ANXA1: variants seen among roughly 807,000 people sequenced by gnomAD.
ANXA1 encodes the protein annexin A1.
In ANXA1, 39 loss-of-function variants were observed where a neutral mutation model predicts 47.9. The observed-to-expected ratio is 0.81, with a 90% confidence interval of 0.63 to 1.06. The LOEUF (loss-of-function observed/expected upper bound fraction) is 1.06. Among genes scored for constraint, ANXA1 ranks in the 50% least tolerant of loss-of-function variants. The pLI, the probability that ANXA1 is intolerant of heterozygous loss-of-function variation, is 0.00. For synonymous variants in ANXA1, 146 were observed against 142.5 expected (o/e 1.02, Z -0.17); for missense variants, 446 against 422.7 (o/e 1.06, Z -0.48).
intron 1 of ANXA1, chr9:73,154,450 C>T (rs984888194): frequency 4.1e-5 from 42 of 1,036,344 alleles, no homozygotes; most frequent in Non-Finnish European, 5.4e-5. Context: ...TTCTTTCTTT[C>T]TTCCCGACAG....
chr9:73,168,701 G>A (rs1824273400), intron 11 of ANXA1: 1 of 165,484 alleles, frequency 6.0e-6, no homozygotes, highest in Non-Finnish European at 1.3e-5. Context: ...ATCACTGACA[G>A]TGTTTTAAAT....
At chr9:73,153,017 G>T (rs1446120915) in intron 1 of ANXA1, among the ~76,000 whole-genome samples, 3 of 152,106 alleles carry the variant, frequency 2.0e-5, no homozygotes, top group Non-Finnish European at 4.4e-5. Flanking sequence ...GGAGTATTTT[G>T]GTAGCTGTAA....
At chr9:73,168,942 G>T in intron 11 of ANXA1, 90 bp from the exon 12 acceptor site, 42 of 1,093,946 alleles carry the variant, frequency 3.8e-5, no homozygotes, top group Non-Finnish European at 4.1e-5. Flanking sequence ...AAATTATATG[G>T]AAGAGTAAGA....
chr9:73,163,054 T>A (rs1454608074), intron 7 of ANXA1, among the ~76,000 whole-genome samples, 193 bp downstream of exon 7: 1 of 152,152 alleles, frequency 6.6e-6, no homozygotes, highest in Non-Finnish European at 1.5e-5. Flanking sequence ...TCAGGCTGCT[T>A]CCACTCCTGA....
rs1483939828 is a variant in ANXA1, at chr9:73,161,596, A to G, written c.475+703A>G. Among the ~76,000 whole-genome samples, 9 of 152,250 alleles carry G rather than the reference A, an allele frequency of 5.9e-5. No individual in the cohort carries two copies. In the South Asian group the frequency reaches 1.7e-3, roughly 28 times the overall value. ...TTTCCCAATGCAATATATGGCATAT[A>G]GAAGATCTTTCTGCTTGATTCTCAT... On this transcript the variant is annotated intron_variant, in intron 6 of 12. Coordinates refer to ENST00000257497, the MANE Select transcript of ANXA1 (RefSeq NM_000700.3).
chr9:73,169,997 AT>A, intron 12 of ANXA1, 53 bp from the exon 13 acceptor site: 1 of 1,353,510 alleles, frequency 7.4e-7, no homozygotes, highest in Non-Finnish European at 1.0e-6. Context: ...GTAAAAAAAA[AT>A]AGAGAATTAT....
At chr9:73,154,316 G>A in intron 1 of ANXA1, 1 of 1,366,214 alleles carries the variant, frequency 7.3e-7, no homozygotes, top group Non-Finnish European at 9.8e-7. Context: ...TGCGCAAGTT[G>A]ACTGTTAATG....
At chr9:73,167,694 G>A (rs1040755709) in intron 11 of ANXA1, 139 bp downstream of exon 11, 1 of 765,102 alleles carries the variant, frequency 1.3e-6, no homozygotes, top group African/African-American at 1.8e-5. Flanking sequence ...GATGAAAGAG[G>A]TAATACACTA....
intron 10 of ANXA1, among the ~76,000 whole-genome samples, chr9:73,167,066 T>G (rs762524295): frequency 3.3e-5 from 5 of 152,144 alleles, no homozygotes; most frequent in Non-Finnish European, 7.4e-5. Context: ...AATAAGTAGT[T>G]TTTTGACCAA....
chr9:73,159,383 G>A lies in ANXA1; in HGVS notation c.230G>A (p.Arg77His), dbSNP rs144842081. The A allele has an allele frequency of 1.7e-5, 28 of 1,613,148 alleles. No homozygotes were observed. Among genetic ancestry groups the A allele is most frequent in the East Asian group, 8.9e-5 (4 of 44,820 alleles). ...CTAACTAAGCGAAACAATGCACAGC[G>A]TCAACAGATCAAAGCAGCATATCTC... ...DILTKRNNAQ[R>H]QQIKAAYLQE... Residue 77 changes from arginine (R) to histidine (H), a missense_variant, in exon 4 of 13, where the codon CGT (arginine) becomes CAT (histidine). By Grantham distance (29) the Arg-to-His change is conservative (BLOSUM62 0). Transcript: ENST00000257497.
At chr9:73,162,504 A>G (rs957513043) in intron 6 of ANXA1, among the ~76,000 whole-genome samples, 6 of 152,182 alleles carry the variant, frequency 3.9e-5, no homozygotes, top group African/African-American at 1.4e-4. Flanking sequence ...GTATACCTAT[A>G]CAATTTATTC....
intron 1 of ANXA1, among the ~76,000 whole-genome samples, chr9:73,152,610 GAAAACCTAAAAAGAAGGGAAAT>G (rs1823989399): frequency 6.6e-6 from 1 of 152,100 alleles, no homozygotes. Context: ...GTGCTGGCTG[GAAAACCTAAAAAGAAGGGAAAT>G]ACTTTCTGGG....
chr9:73,164,977 C>T (rs904129720), intron 8 of ANXA1, 139 bp from the exon 9 acceptor site: 5 of 598,550 alleles, frequency 8.4e-6, no homozygotes, highest in East Asian at 6.0e-5. Context: ...CTTTAAAGAA[C>T]TTGCAATCTT....
Position 73,158,804 on chromosome 9 carries a change from G to A in ANXA1, c.175+1G>A. 1 of 1,612,552 alleles carries A rather than the reference G, an allele frequency of 6.2e-7. No individual in the cohort carries two copies. Among genetic ancestry groups the A allele is most frequent in the Non-Finnish European group, 8.5e-7 (1 of 1,178,808 alleles). ...TTGCATAAGGCCATAATGGTTAAAG[G>A]TAACGTGTTTCCTCAAAACAGTTCC... On this transcript the variant is annotated splice_donor_variant, in intron 3 of 12. Transcript: ENST00000257497. LOFTEE classifies it high-confidence loss of function.
In ANXA1 at chr9:73,159,663, A is replaced by G. The variant is rs1824106535; in HGVS notation, c.270+240A>G. On this transcript the variant is annotated intron_variant, in intron 4 of 12. Transcript: ENST00000257497. ...TTGCAGATGTGGTGCTCTGGGGACA[A>G]ATTTTTAATTTGAACGTAAACATCG... is the stretch of plus-strand genomic sequence containing the variant. 1.3e-5 allele frequency: 4 copies of G among 315,746 alleles called. No homozygotes were observed. The South Asian group carries it at 1.9e-4, about 15-fold the overall frequency. 19.6% of individuals were successfully genotyped at this position (315,746 alleles called of 1,614,324 possible). A position where few individuals can be genotyped will look rare whatever the true frequency, so the allele number is the denominator to read the frequency against.
intron 8 of ANXA1, 65 bp from the exon 9 acceptor site, chr9:73,165,051 T>C: frequency 1.5e-6 from 2 of 1,310,374 alleles, no homozygotes; most frequent in Non-Finnish European, 2.2e-6. Flanking sequence ...TGACAAGGTC[T>C]AACATTATTG....
chr9:73,160,649 G>A (rs1228652037), intron 5 of ANXA1, among the ~76,000 whole-genome samples, 154 bp from the exon 6 acceptor site: 1 of 151,900 alleles, frequency 6.6e-6, no homozygotes, highest in Non-Finnish European at 1.5e-5. Context: ...TTTGTTTTAG[G>A]GCAATGTAAT....
chr9:73,159,360 A>G lies in ANXA1; in HGVS notation c.207A>G (p.Leu69=). 1.2e-6 allele frequency: 2 copies of G among 1,613,370 alleles called. No individual in the cohort carries two copies. Among genetic ancestry groups the G allele is most frequent in the Non-Finnish European group, 1.7e-6 (2 of 1,179,500 alleles). The change falls in exon 4 of 13, where the codon CTA becomes CTG. Residue 69 remains leucine (L), a synonymous_variant. Transcript: ENST00000257497. ...ATGAAGCAACCATCATTGACATTCT[A>G]ACTAAGCGAAACAATGCACAGCGTC... is the stretch of plus-strand genomic sequence containing the variant. The part of the protein sequence containing the change: ...GVDEATIIDI[L]TKRNNAQRQQ...
chr9:73,161,263 C>A (rs1454029375), intron 6 of ANXA1, among the ~76,000 whole-genome samples: 2 of 151,286 alleles, frequency 1.3e-5, no homozygotes, highest in African/African-American at 4.9e-5. Flanking sequence ...GTCCCAAGGT[C>A]ATTTTTTTTG....
Sources: gnomAD v4.1 joint callset for allele counts (sites outside exome capture counted in the v4.1 genomes callset) on GRCh38, gnomAD v4.1.1 for gene constraint, MANE v1.5 for transcripts, NCBI Gene and HGNC (gene_info 2026-07-23, HGNC 2026-07-21) for gene names.